Variants in PDE4D observed in about 807,000 individuals in gnomAD.
The protein encoded by PDE4D is 3',5'-cyclic-AMP phosphodiesterase 4D.
PDE4D carries 24 observed loss-of-function variants against 87.4 expected under a neutral mutation model. The observed-to-expected ratio is 0.27, with a 90% CI of 0.20 to 0.39. PDE4D has a LOEUF of 0.39. Among genes scored for constraint, PDE4D ranks in the 10% least tolerant of loss-of-function variants. The pLI is 1.00. For missense variants in PDE4D, 714 were observed against 1,041.0 expected, an observed-to-expected ratio of 0.69 and a Z score of 4.32; for synonymous variants, 384 against 383.2, an observed-to-expected ratio of 1.00 and a Z score of -0.02.
chr5:59,219,321 TC>T (rs1751954693), intron 1 of PDE4D, among the ~76,000 whole-genome samples: 1 of 152,306 alleles, frequency 6.6e-6, no homozygotes, highest in African/African-American at 2.4e-5. Context: ...GGGGTTTCAC[TC>T]TAAATTTTGG....
chr5:59,185,278 AT>A lies in PDE4D; in HGVS notation c.685-17del. On this transcript the variant is annotated splice_polypyrimidine_tract_variant and intron_variant, in intron 3 of 14. Coordinates refer to ENST00000340635, the MANE Select transcript of PDE4D (RefSeq NM_001104631.2). Reference sequence around the variant, plus strand: ...TGGCCAAGACCTACAACAAGAAAGGATTCTTGAAACTTCTTGAGCTAAGGCC... The same window carrying A: ...TGGCCAAGACCTACAACAAGAAAGGATCTTGAAACTTCTTGAGCTAAGGCC... 6.3e-7 allele frequency: 1 copy of A among 1,591,976 alleles called. No individual in the cohort carries two copies. The highest frequency in any genetic ancestry group is 8.6e-7 in the Non-Finnish European group (1 of 1,166,358).
At chr5:59,202,287 G>A (rs1322977211) in intron 2 of PDE4D, among the ~76,000 whole-genome samples, 1 of 151,936 alleles carries the variant, frequency 6.6e-6, no homozygotes. Flanking sequence ...TGATCCACCT[G>A]CCTCGGCCTC....
chr5:59,582,862 C>T (rs1332717687), intron 1 of PDE4D, among the ~76,000 whole-genome samples: 2 of 152,142 alleles, frequency 1.3e-5, no homozygotes, highest in Admixed American at 6.6e-5. Flanking sequence ...ATTTAGATGT[C>T]CTACCTTTAA....
intron 1 of PDE4D, among the ~76,000 whole-genome samples, chr5:59,337,327 C>A (rs897519710): frequency 2.2e-4 from 32 of 142,738 alleles, no homozygotes; most frequent in Non-Finnish European, 3.8e-4. Context: ...ATAAGTTCCC[C>A]CCCCCCCACC....
intron 1 of PDE4D, chr5:59,586,987 G>A: frequency 1.0e-6 from 1 of 985,436 alleles, no homozygotes; most frequent in Non-Finnish European, 1.2e-6. Flanking sequence ...TATCACCAAA[G>A]CCAACTTCTT....
intron 1 of PDE4D, among the ~76,000 whole-genome samples, chr5:60,337,388 T>TATATATATATATATACACACAC (rs66871903): frequency 1.1e-5 from 1 of 89,476 alleles, no homozygotes; most frequent in Non-Finnish European, 2.2e-5. Context: ...TATATATATA[T>TATATATATATATATACACACAC]ACACACACAC....
rs561853953 is a variant in PDE4D at position 59,546,712 on chromosome 5, A to C, written c.456-330744T>G. On this transcript the variant is annotated intron_variant, in intron 1 of 14. Coordinates refer to ENST00000340635, the MANE Select transcript of PDE4D (RefSeq NM_001104631.2). ...TTCAGAGAACTGAAGGAAAAGACGA[A>C]CTACCAGAATATTGTGGCTTCATAA... Among the ~76,000 whole-genome samples the C allele has an allele frequency of 9.2e-5, 14 of 152,278 alleles. No individual in the cohort carries two copies. The South Asian group carries it at 2.3e-3, about 25-fold the overall frequency.
intron 5 of PDE4D, among the ~76,000 whole-genome samples, chr5:59,083,777 T>C (rs879775199): frequency 2.2e-4 from 33 of 152,138 alleles, no homozygotes; most frequent in Non-Finnish European, 3.7e-4. Context: ...ATTTATTAGT[T>C]CCTTTTTGTT....
intron 1 of PDE4D, among the ~76,000 whole-genome samples, chr5:60,201,475 G>A (rs1259597701): frequency 6.6e-6 from 1 of 152,062 alleles, no homozygotes; most frequent in Non-Finnish European, 1.5e-5. Flanking sequence ...TGTTTCTAAA[G>A]AGGAAAGCAT....
rs149675482 is a variant in PDE4D at position 60,003,449 on chromosome 5, C to T, written c.43-14732G>A. 5.3e-5 allele frequency among the ~76,000 whole-genome samples: 8 copies of T among 152,102 alleles called. No homozygotes were observed. The East Asian group carries it at 5.8e-4, about 11-fold the overall frequency. ...AAGAATGGCTGGGCGTGGTGACTCA[C>T]GCCTGTAATCCCAGCACTTTGGGAG... On this transcript the variant is annotated intron_variant, in intron 2 of 16. Transcript: ENST00000502484.
intron 3 of PDE4D, among the ~76,000 whole-genome samples, chr5:59,955,299 C>A (rs560954495): frequency 2.0e-5 from 3 of 152,256 alleles, no homozygotes; most frequent in Non-Finnish European, 4.4e-5. Flanking sequence ...AAATGTTTAA[C>A]CCATCCAAGT....
intron 1 of PDE4D, among the ~76,000 whole-genome samples, chr5:59,361,806 C>A (rs1447025002): frequency 6.6e-6 from 1 of 151,988 alleles, no homozygotes; most frequent in Non-Finnish European, 1.5e-5. Flanking sequence ...ATGGACAAAC[C>A]AATATTTTCA....
intron 1 of PDE4D, among the ~76,000 whole-genome samples, chr5:60,285,855 AC>A (rs1193325385): frequency 6.6e-6 from 1 of 152,194 alleles, no homozygotes; most frequent in African/African-American, 2.4e-5. Context: ...TTCAACGAAA[AC>A]CCAGCAGATC....
chr5:59,054,124 C>A (rs1762000461), intron 5 of PDE4D, among the ~76,000 whole-genome samples: 1 of 152,158 alleles, frequency 6.6e-6, no homozygotes, highest in African/African-American at 2.4e-5. Flanking sequence ...AATAATTATA[C>A]CTGTCCACCT....
intron 1 of PDE4D, among the ~76,000 whole-genome samples, chr5:59,249,599 C>T (rs533080090): frequency 6.6e-6 from 1 of 152,044 alleles, no homozygotes; most frequent in Admixed American, 6.5e-5. Flanking sequence ...TAGGGTGAAA[C>T]ATTTTGTATC....
upstream of PDE4D, chr5:60,491,302 C>T (rs1361639191): frequency 1.3e-5 from 2 of 152,230 alleles, no homozygotes; most frequent in East Asian, 3.9e-4. Context: ...AGATAAAGTT[C>T]ATGTTCTTGG....
chr5:59,579,201 T>C (rs540309802), intron 1 of PDE4D, among the ~76,000 whole-genome samples: 1 of 152,314 alleles, frequency 6.6e-6, no homozygotes, highest in South Asian at 2.1e-4. Context: ...TATATATCTA[T>C]ATTAATATGC....
intron 1 of PDE4D, among the ~76,000 whole-genome samples, chr5:59,443,631 A>C (rs541639003): frequency 9.2e-5 from 14 of 152,304 alleles, no homozygotes; most frequent in African/African-American, 3.4e-4. Flanking sequence ...TAACGTGATT[A>C]TTTTGCCATC....
At chr5:59,336,862 C>T (rs1221304542) in intron 1 of PDE4D, among the ~76,000 whole-genome samples, 3 of 152,182 alleles carry the variant, frequency 2.0e-5, no homozygotes, top group Admixed American at 6.5e-5. Context: ...AAGCCCAGTG[C>T]GCTGGCTTCC....
Sources: gnomAD v4.1 joint callset for allele counts (sites outside exome capture counted in the v4.1 genomes callset) on GRCh38, gnomAD v4.1.1 for gene constraint, MANE v1.5 for transcripts, NCBI Gene and HGNC (gene_info 2026-07-23, HGNC 2026-07-21) for gene names.